Variants in GALNT5 observed in about 807,000 individuals in gnomAD.
GALNT5 encodes UDP-GalNAc:polypeptide N-acetylgalactosaminyltransferase 5.
Under a neutral mutation model 85.4 loss-of-function variants are expected in GALNT5, and 72 were observed. That is an observed-to-expected ratio of 0.84 (90% CI 0.70 to 1.03). GALNT5 has a LOEUF of 1.03. GALNT5 is among the 50% of genes least tolerant of loss of function. GALNT5 has a pLI of 0.00. For synonymous variants in GALNT5, 404 were observed against 397.0 expected (o/e 1.02, Z -0.21); for missense variants, 1,137 against 1,135.5 (o/e 1.00, Z -0.02).
chr2:157,272,500 C>T (rs1302842920), intron 1 of GALNT5, among the ~76,000 whole-genome samples: 1 of 152,170 alleles, frequency 6.6e-6, no homozygotes, highest in African/African-American at 2.4e-5. Flanking sequence ...TAGTACTCAA[C>T]AGTTAGTTTT....
Position 157,258,449 on chromosome 2 carries a change from G to GT in GALNT5, c.369dup (p.Val124CysfsTer17). ...GCAGAATGCCCTGGGAAGGGGCAAG[G>GT]TTGTGCCGTTGTGGCATCCTGCACA... On this transcript the variant is annotated frameshift_variant, in exon 1 of 10. Transcript: ENST00000259056. LOFTEE classifies it high-confidence loss of function. 1 of 1,606,460 alleles carries GT rather than the reference G, an allele frequency of 6.2e-7. No individual in the cohort carries two copies. The highest frequency in any genetic ancestry group is 8.5e-7 in the Non-Finnish European group (1 of 1,177,286).
intron 1 of GALNT5, 116 bp from the exon 2 acceptor site, chr2:157,284,166 A>C: frequency 1.3e-6 from 1 of 755,576 alleles, no homozygotes. Flanking sequence ...GACCAGACAG[A>C]TCGATGACAG....
rs1261633690 is a variant in GALNT5, at chr2:157,317,205, T to G, written c.*5857T>G. The stretch of plus-strand genomic sequence containing the variant: ...ATATATATATATATATATATTTTTT[T>G]TTTTGATGCTTTGATCTGGAAGAAA... On this transcript the variant is annotated 3_prime_UTR_variant, in exon 10 of 10. Transcript: ENST00000259056. Among the ~76,000 whole-genome samples, 2 of 148,162 alleles carry G rather than the reference T, an allele frequency of 1.3e-5. No homozygotes were observed. The highest frequency in any genetic ancestry group is 2.4e-5 in the African/African-American group (1 of 40,890).
At position 157,299,658 on chromosome 2, in the gene GALNT5, C is replaced by T. The variant is rs773594887; in HGVS notation, c.2108C>T (p.Ser703Leu). Reference protein sequence around the residue: ...DVWGGENMELSFKVWMCGGEI... With the variant: ...DVWGGENMELLFKVWMCGGEI... ...TGGGGTGGGGAAAATATGGAGCTCTCATTCAAGGTATTACCAGGTGTTTCC... is the reference window on the plus strand; with the variant it reads ...TGGGGTGGGGAAAATATGGAGCTCTTATTCAAGGTATTACCAGGTGTTTCC... Residue 703 changes from serine (S) to leucine (L), a missense_variant, in exon 6 of 10, where the codon TCA becomes TTA. By Grantham distance (145) the Ser-to-Leu change is moderately radical (BLOSUM62 -2). Transcript: ENST00000259056. 1 of 1,559,012 alleles carries T rather than the reference C, an allele frequency of 6.4e-7. No homozygotes were observed. The highest frequency in any genetic ancestry group is 8.8e-7 in the Non-Finnish European group (1 of 1,131,432).
intron 5 of GALNT5, chr2:157,298,663 TTCA>T (rs1683269164): frequency 6.6e-6 from 1 of 152,268 alleles, no homozygotes; most frequent in Non-Finnish European, 1.5e-5. Context: ...TGCCGCTTCG[TTCA>T]TGTGTTTCGT....
intron 3 of GALNT5, among the ~76,000 whole-genome samples, chr2:157,291,066 T>C (rs1683086725): frequency 6.6e-6 from 1 of 152,066 alleles, no homozygotes; most frequent in Non-Finnish European, 1.5e-5. Flanking sequence ...TCTCTAAGAA[T>C]TGCCCACTAT....
rs1683657027 is a variant in GALNT5 at position 157,314,689 on chromosome 2, C to G, written c.*3341C>G. On this transcript the variant is annotated 3_prime_UTR_variant, in exon 10 of 10. Coordinates refer to ENST00000259056, the MANE Select transcript of GALNT5 (RefSeq NM_014568.3). ...ATGGCTTGTAATTATTTCTAGCAGG[C>G]ACTCATGCAATAGAATAAGATTGAA... 6.6e-6 allele frequency among the ~76,000 whole-genome samples: 1 copy of G among 152,180 alleles called. No homozygotes were observed. Among genetic ancestry groups the G allele is most frequent in the African/African-American group, 2.4e-5 (1 of 41,440 alleles).
rs148357837 is a variant in GALNT5, at chr2:157,298,257, A to G, written c.1998-1291A>G. The stretch of plus-strand genomic sequence containing the variant: ...TTCCCAAACCTGGATCAAAAGGAAA[A>G]CACCTGGGTCTAGGGGCAGGGGATC... On this transcript the variant is annotated intron_variant, in intron 5 of 9. Coordinates refer to ENST00000259056, the MANE Select transcript of GALNT5 (RefSeq NM_014568.3). Among the ~76,000 whole-genome samples the G allele has an allele frequency of 8.5e-3, 1,299 of 152,158 alleles. 6 individuals are homozygous for G. Among genetic ancestry groups the G allele is most frequent in the Non-Finnish European group, 0.015 (1,028 of 67,984 alleles).
intron 1 of GALNT5, among the ~76,000 whole-genome samples, chr2:157,277,024 T>C (rs893824945): frequency 2.0e-5 from 3 of 152,238 alleles, no homozygotes; most frequent in Admixed American, 1.3e-4. Context: ...ATGTTGTGTC[T>C]TTGTTCTCGT....
At chr2:157,289,313 G>C (rs1372516875) in intron 3 of GALNT5, among the ~76,000 whole-genome samples, 1 of 152,156 alleles carries the variant, frequency 6.6e-6, no homozygotes, top group Admixed American at 6.6e-5. Flanking sequence ...TAGCAAATCT[G>C]AATGTAAATT....
At chr2:157,310,121 G>T (rs1683538090) in intron 9 of GALNT5, among the ~76,000 whole-genome samples, 1 of 152,150 alleles carries the variant, frequency 6.6e-6, no homozygotes, top group South Asian at 2.1e-4. Flanking sequence ...CTCTTAAGCG[G>T]TAAGCTGATT....
intron 3 of GALNT5, among the ~76,000 whole-genome samples, chr2:157,292,084 T>C (rs1420303174): frequency 6.6e-6 from 1 of 152,212 alleles, no homozygotes; most frequent in African/African-American, 2.4e-5. Flanking sequence ...TAGCAATTTT[T>C]AAAGAATTTA....
chr2:157,286,563 G>C (rs1205605433), intron 3 of GALNT5, among the ~76,000 whole-genome samples: 1 of 152,002 alleles, frequency 6.6e-6, no homozygotes, highest in Admixed American at 6.6e-5. Context: ...GAGTGCACTG[G>C]TGCCATCTCA....
In GALNT5 at chr2:157,313,170, C is replaced by T. The variant is rs1286709766; in HGVS notation, c.*1822C>T. ...AATGAACCACATATTTGACATTGGT[C>T]CCAAAAGATTATATTAATAATATGG... On this transcript the variant is annotated 3_prime_UTR_variant, in exon 10 of 10. Transcript: ENST00000259056. 6.6e-6 allele frequency: 1 copy of T among 152,156 alleles called. No individual in the cohort carries two copies. The highest frequency in any genetic ancestry group is 1.9e-4 in the East Asian group (1 of 5,188). 9.4% of individuals were successfully genotyped at this position (152,156 alleles called of 1,614,324 possible). A position where few individuals can be genotyped will look rare whatever the true frequency, so the allele number is the denominator to read the frequency against.
chr2:157,268,766 G>A (rs1049020499), intron 1 of GALNT5, among the ~76,000 whole-genome samples: 2 of 150,600 alleles, frequency 1.3e-5, no homozygotes, highest in African/African-American at 2.5e-5. Context: ...TGGATTGGCT[G>A]CAGTAATCTA....
At chr2:157,301,045 C>A (rs1251654235) in intron 7 of GALNT5, 46 bp downstream of exon 7, 1 of 1,342,802 alleles carries the variant, frequency 7.4e-7, no homozygotes, top group East Asian at 2.3e-5. Context: ...AAAAACAAAA[C>A]ACAAAATCTC....
chr2:157,276,021 T>C (rs569281101), intron 1 of GALNT5, among the ~76,000 whole-genome samples: 17 of 152,352 alleles, frequency 1.1e-4, no homozygotes, highest in African/African-American at 4.1e-4. Context: ...TTGAGAGTTT[T>C]TAGCATGAAG....
intron 1 of GALNT5, among the ~76,000 whole-genome samples, chr2:157,270,636 G>A (rs1237367417): frequency 1.3e-5 from 2 of 152,054 alleles, no homozygotes; most frequent in East Asian, 3.8e-4. Flanking sequence ...ATTCATTCAT[G>A]CATTCAATAC....
In GALNT5 at chr2:157,290,112, T is replaced by TATATATATATACACAC. The variant is rs1416458086; in HGVS notation, c.1741+3979_1741+3980insTATATATATACACACA. Among the ~76,000 whole-genome samples, 158 of 138,162 alleles carry TATATATATATACACAC rather than the reference T, an allele frequency of 1.1e-3. 1 individual carries two copies. In the East Asian group the frequency reaches 0.024, roughly 21 times the overall value. The allele number at this position is 138,162 out of a possible 152,430, so 90.6% of individuals were successfully genotyped here. On this transcript the variant is annotated intron_variant, in intron 3 of 9. Transcript: ENST00000259056. The stretch of plus-strand genomic sequence containing the variant: ...GTATATATATATATATATATATATA[T>TATATATATATACACAC]ACATACACAAACACATATATACATA...
Sources: allele counts gnomAD v4.1 joint callset (sites outside exome capture counted in the v4.1 genomes callset), GRCh38; gene constraint gnomAD v4.1.1; transcripts MANE v1.5; gene names NCBI Gene and HGNC (gene_info 2026-07-23, HGNC 2026-07-21).